Variants in PCNX2 observed in about 807,000 individuals in gnomAD.
PCNX2 encodes the protein pecanex 2.
Under a neutral mutation model 223.8 loss-of-function variants are expected in PCNX2, and 168 were observed. That is an observed-to-expected ratio of 0.75 (90% CI 0.66 to 0.85). The LOEUF (loss-of-function observed/expected upper bound fraction) is 0.85, where lower values mean the gene tolerates loss of function less well. Among genes scored for constraint, PCNX2 ranks in the 40% least tolerant of loss-of-function variants. The pLI, the probability that PCNX2 is intolerant of heterozygous loss-of-function variation, is 0.00. For missense variants in PCNX2, 2,507 were observed against 2,675.5 expected, an observed-to-expected ratio of 0.94 and a Z score of 1.39; for synonymous variants, 1,006 against 1,052.6, an observed-to-expected ratio of 0.96 and a Z score of 0.86.
At chr1:233,031,912 A>T in intron 25 of PCNX2, 1 of 985,080 alleles carries the variant, frequency 1.0e-6, no homozygotes, top group African/African-American at 1.7e-5. Flanking sequence ...GCATCCAGAG[A>T]GTAATGACCA....
intron 19 of PCNX2, among the ~76,000 whole-genome samples, chr1:233,156,680 G>T (rs1403952762): frequency 2.0e-5 from 3 of 152,188 alleles, no homozygotes; most frequent in Admixed American, 1.3e-4. Flanking sequence ...CACTTTGGGA[G>T]ACCAAGGCGG....
chr1:233,054,747 T>A, intron 24 of PCNX2: 1 of 253,904 alleles, frequency 3.9e-6, no homozygotes, highest in Non-Finnish European at 7.5e-6. Context: ...CAAACAATCA[T>A]TGCTAGTATT....
intron 10 of PCNX2, among the ~76,000 whole-genome samples, chr1:233,222,142 C>T (rs145155548): frequency 7.8e-4 from 119 of 152,240 alleles, no homozygotes; most frequent in Admixed American, 2.2e-3. Context: ...ATGTTCCATG[C>T]GCAGGAACTG....
intron 1 of PCNX2, among the ~76,000 whole-genome samples, chr1:233,276,278 T>TA (rs778244580): frequency 1.3e-5 from 2 of 152,050 alleles, no homozygotes; most frequent in African/African-American, 2.4e-5. Context: ...TTCAAACTCA[T>TA]AGAGACAAAA....
intron 23 of PCNX2, among the ~76,000 whole-genome samples, chr1:233,071,943 T>C (rs1672875918): frequency 6.6e-6 from 1 of 152,264 alleles, no homozygotes; most frequent in African/African-American, 2.4e-5. Flanking sequence ...CATGTATGTA[T>C]TCTTTTGAAA....
At chr1:233,018,537 T>A (rs1670764506) in intron 26 of PCNX2, among the ~76,000 whole-genome samples, 1 of 152,170 alleles carries the variant, frequency 6.6e-6, no homozygotes, top group Non-Finnish European at 1.5e-5. Flanking sequence ...TGGAAAGCCA[T>A]TTTGTAGTTT....
chr1:233,117,257 GAGGA>G, intron 21 of PCNX2, among the ~76,000 whole-genome samples: 1 of 152,266 alleles, frequency 6.6e-6, no homozygotes, highest in South Asian at 2.1e-4. Flanking sequence ...GAAAATAGGA[GAGGA>G]AGGGATACTA....
intron 23 of PCNX2, among the ~76,000 whole-genome samples, chr1:233,062,110 T>C (rs1572058540): frequency 6.6e-6 from 1 of 152,134 alleles, no homozygotes; most frequent in Non-Finnish European, 1.5e-5. Context: ...CTGGGGAAAA[T>C]TGGTTGTAAA....
intron 25 of PCNX2, among the ~76,000 whole-genome samples, chr1:233,032,629 T>G (rs1250615051): frequency 6.6e-6 from 1 of 151,748 alleles, no homozygotes; most frequent in Non-Finnish European, 1.5e-5. Flanking sequence ...ATTGCATGAG[T>G]ATGTGTGTGA....
At chr1:233,196,140 T>C (rs964406617) in intron 15 of PCNX2, among the ~76,000 whole-genome samples, 8 of 152,272 alleles carry the variant, frequency 5.3e-5, no homozygotes, top group South Asian at 2.1e-4. Flanking sequence ...GGAGAAAGGT[T>C]AGTGTTTTCA....
At chr1:233,032,012 C>T in intron 25 of PCNX2, 4 of 984,614 alleles carry the variant, frequency 4.1e-6, no homozygotes, top group Non-Finnish European at 4.8e-6. Context: ...CACAGTGACA[C>T]ATTAACACTG....
At chr1:232,984,578 G>T in intron 33 of PCNX2, 101 bp from the exon 34 acceptor site, 1 of 1,323,688 alleles carries the variant, frequency 7.6e-7, no homozygotes, top group Non-Finnish European at 1.0e-6. Context: ...CTAAAGGCTA[G>T]CGCTGCCATA....
At chr1:233,102,713 AT>A (rs59637424) in intron 21 of PCNX2, among the ~76,000 whole-genome samples, 1 of 151,598 alleles carries the variant, frequency 6.6e-6, no homozygotes, top group African/African-American at 2.4e-5. Context: ...ATTGTTATTA[AT>A]TTTTTTTGCT....
chr1:233,060,883 G>C (rs1672381957), intron 23 of PCNX2, among the ~76,000 whole-genome samples: 1 of 152,194 alleles, frequency 6.6e-6, no homozygotes, highest in African/African-American at 2.4e-5. Context: ...GACTTACTGA[G>C]AAGCACCCCT....
chr1:233,123,052 A>G (rs1675896208), intron 21 of PCNX2, among the ~76,000 whole-genome samples: 5 of 152,212 alleles, frequency 3.3e-5, no homozygotes, highest in Admixed American at 3.3e-4. Context: ...GGATAACTCA[A>G]TGTATTCTGA....
At chr1:233,227,539 T>C (rs926709531) in intron 9 of PCNX2, among the ~76,000 whole-genome samples, 168 bp from the exon 10 acceptor site, 1 of 151,910 alleles carries the variant, frequency 6.6e-6, no homozygotes, top group Non-Finnish European at 1.5e-5. Context: ...ACATATTTCA[T>C]TCAAACTAAA....
intron 24 of PCNX2, among the ~76,000 whole-genome samples, chr1:233,055,725 C>T (rs781103951): frequency 3.3e-5 from 5 of 152,058 alleles, no homozygotes; most frequent in Admixed American, 6.6e-5. Flanking sequence ...AAACAGGAAA[C>T]GCCTAAAGCA....
At position 233,119,403 on chromosome 1, in the gene PCNX2, C is replaced by CAAAAAA. The variant is rs71173251; in HGVS notation, c.3837+15604_3837+15609dup. Among the ~76,000 whole-genome samples the CAAAAAA allele has an allele frequency of 2.4e-3, 91 of 38,630 alleles. 3 individuals are homozygous for CAAAAAA. Among genetic ancestry groups the CAAAAAA allele is most frequent in the African/African-American group, 5.5e-3 (48 of 8,772 alleles). The allele number at this position is 38,630 out of a possible 152,430, so 25.3% of individuals were successfully genotyped here. On this transcript the variant is annotated intron_variant, in intron 21 of 33. Transcript: ENST00000258229. ...TGAAACCCCGTCTCTACTAAAAATA[C>CAAAAAA]AAAAAAAAAAAAAAAAAAAAAAAAA... is the stretch of plus-strand genomic sequence containing the variant.
At chr1:233,054,165 A>G in intron 25 of PCNX2, 103 bp downstream of exon 25, 1 of 1,008,202 alleles carries the variant, frequency 9.9e-7, no homozygotes, top group East Asian at 2.6e-5. Context: ...GTAGGAAGAC[A>G]TTAAGTTTTT....
Sources: gnomAD v4.1 joint callset for allele counts (sites outside exome capture counted in the v4.1 genomes callset) on GRCh38, gnomAD v4.1.1 for gene constraint, MANE v1.5 for transcripts, NCBI Gene and HGNC (gene_info 2026-07-23, HGNC 2026-07-21) for gene names.